RCBTB1: variants seen among roughly 807,000 people sequenced by gnomAD.
RCBTB1 encodes the protein RCC1 and BTB domain containing protein 1.
RCBTB1 carries 46 observed loss-of-function variants against 62.4 expected under a neutral mutation model. The observed-to-expected ratio is 0.74, with a 90% CI of 0.58 to 0.94. RCBTB1 has a LOEUF of 0.94. Ranked by LOEUF, RCBTB1 falls within the 40% of genes least tolerant of loss-of-function variation. RCBTB1 has a pLI of 0.00. For missense variants in RCBTB1, 565 were observed against 654.9 expected (o/e 0.86, Z 1.50); for synonymous variants, 222 against 245.8 (o/e 0.90, Z 0.91).
intron 2 of RCBTB1, among the ~76,000 whole-genome samples, chr13:49,577,395 AC>A (rs1170955219): frequency 6.6e-6 from 1 of 152,232 alleles, no homozygotes; most frequent in Non-Finnish European, 1.5e-5. Flanking sequence ...GAGAAATGGT[AC>A]AGGAAAACTG....
At chr13:49,557,930 A>T (rs1046765827) in intron 5 of RCBTB1, among the ~76,000 whole-genome samples, 1 of 152,256 alleles carries the variant, frequency 6.6e-6, no homozygotes, top group Non-Finnish European at 1.5e-5. Context: ...CATTAAAATC[A>T]GAGGATTTTC....
rs576347337 is a variant in RCBTB1 at position 49,560,984 on chromosome 13, CTCT to C, written c.278-903_278-901del. ...GATGTGGTCACCAACCCGGAAGCTC[CTCT>C]GTCTGAATTTTTTTTATAATGACTT... On this transcript the variant is annotated intron_variant, in intron 4 of 12. Coordinates refer to ENST00000378302, the MANE Select transcript of RCBTB1 (RefSeq NM_018191.4). Among the ~76,000 whole-genome samples the C allele has an allele frequency of 2.7e-3, 409 of 152,280 alleles. 1 individual carries two copies. The highest frequency in any genetic ancestry group is 8.5e-3 in the African/African-American group (354 of 41,548).
chr13:49,585,271 CA>C (rs1964337784), intron 1 of RCBTB1, among the ~76,000 whole-genome samples, 172 bp downstream of exon 1: 1 of 152,172 alleles, frequency 6.6e-6, no homozygotes, highest in African/African-American at 2.4e-5. Context: ...CCGGGGACCC[CA>C]TCCCTCGCCC....
chr13:49,568,814 A>G lies in RCBTB1; in HGVS notation c.-41-1494T>C, dbSNP rs143444999. On this transcript the variant is annotated intron_variant, in intron 2 of 12. Coordinates refer to ENST00000378302, the MANE Select transcript of RCBTB1 (RefSeq NM_018191.4). ...CATGGTGGTGTGTGCCTGCAGTCCC[A>G]GCTACTCAGGAGGCTGAGGCAGGAG... Among the ~76,000 whole-genome samples the G allele has an allele frequency of 2.8e-3, 425 of 152,284 alleles. 4 individuals are homozygous for G. The highest frequency in any genetic ancestry group is 9.1e-3 in the African/African-American group (378 of 41,556).
chr13:49,550,442 G>A, intron 8 of RCBTB1: 4 of 984,210 alleles, frequency 4.1e-6, no homozygotes, highest in Non-Finnish European at 4.8e-6. Context: ...TCTTGGGTAA[G>A]GTCTCATAAT....
At chr13:49,537,775 G>A (rs7983283) in intron 12 of RCBTB1, 122,194 of 152,212 alleles carry the variant, frequency 0.8, 49,293 homozygotes, top group East Asian at 0.9. Flanking sequence ...TACCAAAGGA[G>A]TATCTGGGTG....
At chr13:49,565,688 GCCCCTCC>G (rs1173740276) in intron 4 of RCBTB1, among the ~76,000 whole-genome samples, 1 of 150,134 alleles carries the variant, frequency 6.7e-6, no homozygotes. Context: ...GAAGTGAGGA[GCCCCTCC>G]ACCCGGCAGC....
intron 3 of RCBTB1, among the ~76,000 whole-genome samples, 188 bp from the exon 4 acceptor site, chr13:49,566,956 T>C (rs1315432542): frequency 1.3e-5 from 2 of 152,156 alleles, no homozygotes; most frequent in East Asian, 1.9e-4. Context: ...GTCTATATTA[T>C]GAAACTCAGA....
intron 4 of RCBTB1, among the ~76,000 whole-genome samples, chr13:49,561,803 A>G (rs1313172059): frequency 6.6e-6 from 1 of 152,084 alleles, no homozygotes; most frequent in East Asian, 1.9e-4. Context: ...ACTAAAACCT[A>G]TAACAAGTTT....
rs764040985 is a variant in RCBTB1 at position 49,566,656 on chromosome 13, C to G, written c.239G>C (p.Ser80Thr). The change falls in exon 4 of 13, where the codon AGT becomes ACT. Residue 80 changes from serine (S) to threonine (T), a missense_variant. By Grantham distance (58) the Ser-to-Thr change is moderately conservative. Transcript: ENST00000378302. ...AAGAACATGTGGTCCACTCCCGTAACTGAGGCTTTTAATCTTCTTTCCACA... is the reference window on the plus strand; with the variant it reads ...AAGAACATGTGGTCCACTCCCGTAAGTGAGGCTTTTAATCTTCTTTCCACA... ...GLCGKKIKSL[S>T]YGSGPHVLLS... 1.9e-6 allele frequency: 3 copies of G among 1,614,166 alleles called. No homozygotes were observed. Among genetic ancestry groups the G allele is most frequent in the South Asian group, 1.1e-5 (1 of 91,076 alleles).
chr13:49,583,416 T>C (rs1188187187), intron 1 of RCBTB1, among the ~76,000 whole-genome samples: 3 of 150,804 alleles, frequency 2.0e-5, no homozygotes, highest in Non-Finnish European at 4.4e-5. Flanking sequence ...GTGTGTGTTT[T>C]AAATGTGATC....
chr13:49,550,538 A>G (rs917797678), intron 8 of RCBTB1: 9 of 390,928 alleles, frequency 2.3e-5, no homozygotes, highest in Non-Finnish European at 3.2e-5. Context: ...AACACATATT[A>G]TATCAAATCA....
At chr13:49,577,802 T>C (rs578058221) in intron 2 of RCBTB1, among the ~76,000 whole-genome samples, 100 of 152,338 alleles carry the variant, frequency 6.6e-4, no homozygotes, top group African/African-American at 2.3e-3. Flanking sequence ...TTCTTCAGCA[T>C]ACAAGCTACA....
chr13:49,581,408 G>C (rs1462623481), intron 1 of RCBTB1, among the ~76,000 whole-genome samples: 1 of 152,230 alleles, frequency 6.6e-6, no homozygotes, highest in Admixed American at 6.5e-5. Context: ...AGAGAGAACT[G>C]TGCTGCCACT....
intron 4 of RCBTB1, 43 bp from the exon 5 acceptor site, chr13:49,560,127 T>G: frequency 6.3e-7 from 1 of 1,599,516 alleles, no homozygotes; most frequent in South Asian, 1.1e-5. Context: ...CAAAAAGAAA[T>G]AGTAACCCTG....
intron 2 of RCBTB1, among the ~76,000 whole-genome samples, chr13:49,569,780 G>A (rs1031389514): frequency 6.6e-6 from 1 of 151,950 alleles, no homozygotes; most frequent in East Asian, 1.9e-4. Flanking sequence ...GGTGGCGCAT[G>A]CCTGCAGTCT....
chr13:49,580,092 A>G (rs1006186981), intron 2 of RCBTB1, among the ~76,000 whole-genome samples: 2 of 152,204 alleles, frequency 1.3e-5, no homozygotes, highest in South Asian at 2.1e-4. Flanking sequence ...AAAAAATAAC[A>G]TATCTAGGGT....
At chr13:49,564,989 C>G (rs7336758) in intron 4 of RCBTB1, among the ~76,000 whole-genome samples, 37,136 of 150,308 alleles carry the variant, frequency 0.25, 5,862 homozygotes, top group African/African-American at 0.46. Flanking sequence ...AATAGGATTG[C>G]AGCTGTCCCG....
At chr13:49,576,354 T>A (rs1049279642) in intron 2 of RCBTB1, among the ~76,000 whole-genome samples, 1 of 152,074 alleles carries the variant, frequency 6.6e-6, no homozygotes, top group Admixed American at 6.6e-5. Context: ...CCCAATTTTT[T>A]AAAATCAAAT....
Sources: allele counts gnomAD v4.1 joint callset (sites outside exome capture counted in the v4.1 genomes callset), GRCh38; gene constraint gnomAD v4.1.1; transcripts MANE v1.5; gene names NCBI Gene and HGNC (gene_info 2026-07-23, HGNC 2026-07-21).